Variants in KLF7 observed in about 807,000 individuals in gnomAD.
The protein encoded by KLF7 is KLF transcription factor 7, also known as Krueppel-like factor 7.
Under a neutral mutation model 27.3 loss-of-function variants are expected in KLF7, and 2 were observed. The observed-to-expected ratio is 0.07, with a 90% CI of 0.03 to 0.23. The LOEUF is 0.23. Among genes scored for constraint, KLF7 ranks in the 10% least tolerant of loss-of-function variants. The pLI, the probability that KLF7 is intolerant of heterozygous loss-of-function variation, is 1.00. For synonymous variants in KLF7, 165 were observed against 162.4 expected (o/e 1.02, Z -0.12); for missense variants, 221 against 394.1 (o/e 0.56, Z 3.72).
upstream of KLF7, chr2:207,167,132 AGGCTCACCATG>A: frequency 1.4e-6 from 2 of 1,439,838 alleles, no homozygotes; most frequent in African/African-American, 1.5e-5. Context: ...TTACGTGATG[AGGCTCACCATG>A]GGGTCTCCAG....
At chr2:207,153,791 T>C (rs969779915) in intron 1 of KLF7, among the ~76,000 whole-genome samples, 4 of 152,148 alleles carry the variant, frequency 2.6e-5, no homozygotes, top group African/African-American at 7.2e-5. Context: ...AAAAGTTCCT[T>C]TGGGGAGCCC....
At chr2:207,149,115 C>T in intron 1 of KLF7, 1 of 1,278,352 alleles carries the variant, frequency 7.8e-7, no homozygotes, top group South Asian at 1.3e-5. Context: ...CTGTCTTTTC[C>T]CCAGTCCCAC....
intron 2 of KLF7, among the ~76,000 whole-genome samples, chr2:207,089,241 G>A (rs1574424220): frequency 6.6e-6 from 1 of 152,234 alleles, no homozygotes; most frequent in African/African-American, 2.4e-5. Flanking sequence ...GAGTTAGGAA[G>A]CTCATAGCTT....
At chr2:207,146,717 A>C (rs1264755821) in intron 1 of KLF7, among the ~76,000 whole-genome samples, 1 of 152,134 alleles carries the variant, frequency 6.6e-6, no homozygotes, top group East Asian at 1.9e-4. Flanking sequence ...TGGAAGAAAA[A>C]ACAAAAAGAA....
chr2:207,090,756 C>G (rs781110048), intron 2 of KLF7, among the ~76,000 whole-genome samples: 1 of 152,102 alleles, frequency 6.6e-6, no homozygotes, highest in Non-Finnish European at 1.5e-5. Context: ...TAGGACTGCT[C>G]TGAATGAGTA....
chr2:207,167,169 G>C (rs758794168), upstream of KLF7: 16 of 1,429,804 alleles, frequency 1.1e-5, no homozygotes, highest in Admixed American at 8.0e-5. Flanking sequence ...TGTCTGCAGA[G>C]CTTCGATGGT....
At chr2:207,157,824 G>C (rs1218299944) in intron 1 of KLF7, among the ~76,000 whole-genome samples, 1 of 152,166 alleles carries the variant, frequency 6.6e-6, no homozygotes, top group Admixed American at 6.5e-5. Flanking sequence ...TCAAGAAAAA[G>C]AAAGGAGTTA....
At chr2:207,102,126 T>TCACACACACACA (rs59384224) in intron 2 of KLF7, among the ~76,000 whole-genome samples, 2 of 141,170 alleles carry the variant, frequency 1.4e-5, no homozygotes, top group East Asian at 4.1e-4. Flanking sequence ...ACATTCACAT[T>TCACACACACACA]CACACACACA....
chr2:207,147,449 C>T (rs192826061), intron 1 of KLF7, among the ~76,000 whole-genome samples: 11 of 152,292 alleles, frequency 7.2e-5, no homozygotes, highest in African/African-American at 2.2e-4. Context: ...GCTTATATAT[C>T]CTTTTATTTG....
rs1393022069 is a variant in KLF7 at position 207,075,472 on chromosome 2, C to CG, written c.*5740dup. Reference sequence around the variant, plus strand: ...CCAGAGAAGGCCTGAGAGAATGTGACGGGGGGAGGCGGGGAAGGAGACGGG... The same window carrying CG: ...CCAGAGAAGGCCTGAGAGAATGTGACGGGGGGGAGGCGGGGAAGGAGACGGG... On this transcript the variant is annotated 3_prime_UTR_variant, in exon 4 of 4. Transcript: ENST00000309446. 1 of 151,202 alleles carries CG rather than the reference C, an allele frequency of 6.6e-6. No individual in the cohort carries two copies. The highest frequency in any genetic ancestry group is 2.4e-5 in the African/African-American group (1 of 41,192). The allele number at this position is 151,202 out of a possible 1,614,324, so 9.4% of individuals were successfully genotyped here.
chr2:207,081,275 T>C lies in KLF7; in HGVS notation c.858-11A>G, dbSNP rs755435616. 5 of 1,610,722 alleles carry C rather than the reference T, an allele frequency of 3.1e-6. No individual in the cohort carries two copies. The African/African-American group carries it at 4.0e-5, about 13-fold the overall frequency. ...GACCTGGAAAAACACCTAGGAGATA[T>C]AAACAACAAGGATATTAGAGAACTC... On this transcript the variant is annotated splice_polypyrimidine_tract_variant and intron_variant, in intron 3 of 3. Transcript: ENST00000309446.
At chr2:207,147,696 T>A (rs1362191317) in intron 1 of KLF7, among the ~76,000 whole-genome samples, 1 of 152,062 alleles carries the variant, frequency 6.6e-6, no homozygotes, top group Non-Finnish European at 1.5e-5. Flanking sequence ...ACCCACCCAA[T>A]TCCCTCTGAG....
At chr2:207,129,763 T>C (rs1018927647) in intron 1 of KLF7, among the ~76,000 whole-genome samples, 2 of 152,184 alleles carry the variant, frequency 1.3e-5, no homozygotes, top group African/African-American at 4.8e-5. Context: ...TATTCAATCA[T>C]TTGTTTGTAT....
chr2:207,134,257 AC>A, intron 1 of KLF7: 1 of 702,552 alleles, frequency 1.4e-6, no homozygotes, highest in Non-Finnish European at 2.2e-6. Context: ...CCCTTCCCCT[AC>A]CCCCATAAAA....
chr2:207,163,382 G>C (rs1343665074), intron 1 of KLF7, among the ~76,000 whole-genome samples: 1 of 152,182 alleles, frequency 6.6e-6, no homozygotes, highest in Non-Finnish European at 1.5e-5. Flanking sequence ...AACTAAACTA[G>C]AGCTTCCCTG....
intron 2 of KLF7, among the ~76,000 whole-genome samples, chr2:207,110,902 T>C (rs558835143): frequency 1.1e-4 from 17 of 152,222 alleles, no homozygotes; most frequent in African/African-American, 3.9e-4. Context: ...ACAGCTAAGG[T>C]TGCATTAGGC....
chr2:207,161,695 T>G (rs190097278), intron 1 of KLF7, among the ~76,000 whole-genome samples: 1 of 152,204 alleles, frequency 6.6e-6, no homozygotes, highest in African/African-American at 2.4e-5. Flanking sequence ...AGAGATTCCT[T>G]ATACCAAAGG....
At chr2:207,127,924 T>C (rs1268195557) in intron 1 of KLF7, among the ~76,000 whole-genome samples, 3 of 152,130 alleles carry the variant, frequency 2.0e-5, no homozygotes, top group Non-Finnish European at 4.4e-5. Context: ...CACACATACA[T>C]ACATAGAGAA....
At chr2:207,161,738 C>A (rs1221626197) in intron 1 of KLF7, among the ~76,000 whole-genome samples, 4 of 152,086 alleles carry the variant, frequency 2.6e-5, no homozygotes, top group Admixed American at 2.0e-4. Flanking sequence ...GTGCCTGAAA[C>A]CAAGATGAAA....
Sources: allele counts gnomAD v4.1 joint callset (sites outside exome capture counted in the v4.1 genomes callset), GRCh38; gene constraint gnomAD v4.1.1; transcripts MANE v1.5; gene names NCBI Gene and HGNC (gene_info 2026-07-23, HGNC 2026-07-21).